The following DNAH8 variants were observed in gnomAD, a reference collection of about 807,000 sequenced individuals.
The protein encoded by DNAH8 is axonemal beta dynein heavy chain 8.
A neutral mutation model predicts 562.1 loss-of-function variants in DNAH8; 382 were observed. The ratio of observed to expected loss-of-function variants is 0.68; its 90% CI spans 0.63 to 0.74. The LOEUF (loss-of-function observed/expected upper bound fraction) is 0.74, where lower values mean the gene tolerates loss of function less well. Ranked by LOEUF, DNAH8 falls within the 30% of genes least tolerant of loss-of-function variation. DNAH8 has a pLI of 0.00. For synonymous variants in DNAH8, 1,881 were observed against 1,919.4 expected (o/e 0.98, Z 0.52); for missense variants, 5,203 against 5,620.4 (o/e 0.93, Z 2.37).
intron 91 of DNAH8, among the ~76,000 whole-genome samples, chr6:39,016,169 C>T (rs940925921): frequency 2.6e-5 from 4 of 152,162 alleles, no homozygotes; most frequent in Non-Finnish European, 5.9e-5. Context: ...AATGTATCTC[C>T]TGGGTTTTAT....
At chr6:38,914,760 G>A (rs1781175500) in intron 67 of DNAH8, among the ~76,000 whole-genome samples, 1 of 152,094 alleles carries the variant, frequency 6.6e-6, no homozygotes, top group Non-Finnish European at 1.5e-5. Flanking sequence ...TTAGCCAGTT[G>A]CTGAAATGAG....
chr6:38,917,472 A>G, intron 69 of DNAH8, 66 bp downstream of exon 69: 1 of 1,308,716 alleles, frequency 7.6e-7, no homozygotes, highest in East Asian at 2.3e-5. Context: ...AGGACACTCA[A>G]TATAGACCAG....
At chr6:38,972,780 TGTGGAACACAGAGTGG>T in intron 83 of DNAH8, among the ~76,000 whole-genome samples, 1 of 152,288 alleles carries the variant, frequency 6.6e-6, no homozygotes, top group Non-Finnish European at 1.5e-5. Context: ...AAGCTGGCAT[TGTGGAACACAGAGTGG>T]GGAACCAGAA....
chr6:38,992,372 TC>T (rs1203619777), intron 88 of DNAH8, among the ~76,000 whole-genome samples: 1 of 152,188 alleles, frequency 6.6e-6, no homozygotes, highest in Non-Finnish European at 1.5e-5. Flanking sequence ...CACTGCTGCA[TC>T]CCTTGTGCTA....
intron 87 of DNAH8, among the ~76,000 whole-genome samples, chr6:38,989,284 C>T (rs568874361): frequency 3.9e-5 from 6 of 152,292 alleles, no homozygotes; most frequent in African/African-American, 7.2e-5. Flanking sequence ...TGCTGTGAGA[C>T]GTAAGTCATT....
At chr6:38,942,024 C>G (rs778011791) in intron 79 of DNAH8, among the ~76,000 whole-genome samples, 34 of 152,182 alleles carry the variant, frequency 2.2e-4, no homozygotes, top group Non-Finnish European at 3.8e-4. Flanking sequence ...CTCACTCCCC[C>G]TCCCACCATG....
intron 5 of DNAH8, among the ~76,000 whole-genome samples, chr6:38,736,608 A>T (rs560684113): frequency 4.6e-4 from 70 of 152,124 alleles, no homozygotes; most frequent in African/African-American, 1.7e-3. Flanking sequence ...AAGATGTATC[A>T]ATTGAAAGGT....
chr6:38,832,524 G>T, intron 31 of DNAH8, 89 bp downstream of exon 31: 1 of 768,768 alleles, frequency 1.3e-6, no homozygotes, highest in Non-Finnish European at 2.2e-6. Flanking sequence ...GAATAGGTAC[G>T]TTGCATGTAT....
intron 88 of DNAH8, among the ~76,000 whole-genome samples, chr6:39,004,124 C>A (rs1765653645): frequency 6.6e-6 from 1 of 152,100 alleles, no homozygotes; most frequent in Non-Finnish European, 1.5e-5. Flanking sequence ...ACCTGTAGTC[C>A]CAGCTCCTTG....
At chr6:38,918,778 A>G (rs1010178678) in intron 70 of DNAH8, among the ~76,000 whole-genome samples, 1 of 152,158 alleles carries the variant, frequency 6.6e-6, no homozygotes, top group African/African-American at 2.4e-5. Context: ...GATTCATGAA[A>G]TGTATCACTC....
intron 64 of DNAH8, 114 bp downstream of exon 64, chr6:38,908,234 T>G (rs1223498646): frequency 1.2e-5 from 7 of 599,812 alleles, no homozygotes; most frequent in Non-Finnish European, 1.8e-5. Flanking sequence ...TTACATTGAA[T>G]TAAAATTAAC....
chr6:38,999,078 T>A (rs1397491961), intron 88 of DNAH8, among the ~76,000 whole-genome samples: 1 of 152,256 alleles, frequency 6.6e-6, no homozygotes, highest in East Asian at 1.9e-4. Flanking sequence ...AGAGCTTGGC[T>A]AGCTCTTATT....
intron 36 of DNAH8, among the ~76,000 whole-genome samples, chr6:38,847,765 C>T (rs527805497): frequency 3.3e-5 from 5 of 152,276 alleles, no homozygotes; most frequent in East Asian, 1.9e-4. Context: ...ACACTGCAGT[C>T]GGCTTCTTGC....
chr6:38,778,865 C>G (rs1213940452), intron 14 of DNAH8, among the ~76,000 whole-genome samples: 1 of 152,170 alleles, frequency 6.6e-6, no homozygotes, highest in East Asian at 1.9e-4. Flanking sequence ...ATTTTCCCTC[C>G]TGAGGGCTCC....
At chr6:38,976,910 A>G (rs759763293) in intron 85 of DNAH8, among the ~76,000 whole-genome samples, 2 of 152,202 alleles carry the variant, frequency 1.3e-5, no homozygotes, top group Non-Finnish European at 2.9e-5. Context: ...AGAGGGGTTC[A>G]TGCTGGAGTT....
intron 91 of DNAH8, among the ~76,000 whole-genome samples, chr6:39,021,845 C>A (rs1004830855): frequency 1.3e-5 from 2 of 152,134 alleles, no homozygotes; most frequent in Non-Finnish European, 2.9e-5. Flanking sequence ...AAATGCCAAC[C>A]AACTCCTTAT....
intron 34 of DNAH8, 61 bp from the exon 35 acceptor site, chr6:38,842,602 A>G: frequency 6.3e-7 from 1 of 1,591,948 alleles, no homozygotes; most frequent in South Asian, 1.2e-5. Flanking sequence ...GTGTATATAC[A>G]TAAAACCTTC....
intron 20 of DNAH8, 81 bp downstream of exon 20, chr6:38,790,486 A>G (rs1465442198): frequency 1.4e-6 from 1 of 692,748 alleles, no homozygotes; most frequent in Non-Finnish European, 2.4e-6. Context: ...AAAGCTCTTT[A>G]AAGGGTATGA....
intron 11 of DNAH8, chr6:38,764,516 G>A (rs1333485873): frequency 6.6e-6 from 1 of 152,206 alleles, no homozygotes; most frequent in African/African-American, 2.4e-5. Context: ...ACATGGAATA[G>A]TCTCTCAAGT....
Sources: gnomAD v4.1 joint callset for allele counts (sites outside exome capture counted in the v4.1 genomes callset) on GRCh38, gnomAD v4.1.1 for gene constraint, MANE v1.5 for transcripts, NCBI Gene and HGNC (gene_info 2026-07-23, HGNC 2026-07-21) for gene names.